EPSTI1: variants seen among roughly 807,000 people sequenced by gnomAD.
The protein encoded by EPSTI1 is epithelial stromal interaction 1, also known as epithelial-stromal interaction protein 1.
Under a neutral mutation model 49.9 loss-of-function variants are expected in EPSTI1, and 66 were observed. The ratio of observed to expected loss-of-function variants is 1.32; its 90% CI spans 1.08 to 1.62. The LOEUF (loss-of-function observed/expected upper bound fraction) is 1.62. EPSTI1 is among the 40% of genes most tolerant of loss of function. The pLI, the probability that EPSTI1 is intolerant of heterozygous loss-of-function variation, is 0.00. For missense variants in EPSTI1, 394 were observed against 365.5 expected, an observed-to-expected ratio of 1.08 and a Z score of -0.64; for synonymous variants, 137 against 130.7, an observed-to-expected ratio of 1.05 and a Z score of -0.33.
At chr13:42,990,831 A>G (rs892837837) in intron 1 of EPSTI1, among the ~76,000 whole-genome samples, 3 of 152,222 alleles carry the variant, frequency 2.0e-5, no homozygotes, top group Admixed American at 6.5e-5. Flanking sequence ...GAAGTCGATG[A>G]AAAAGGAGAG....
At chr13:42,956,226 G>A (rs2039267434) in intron 5 of EPSTI1, among the ~76,000 whole-genome samples, 1 of 152,224 alleles carries the variant, frequency 6.6e-6, no homozygotes, top group Non-Finnish European at 1.5e-5. Flanking sequence ...CGAGAGCCAA[G>A]AAGCGGAATA....
intron 6 of EPSTI1, among the ~76,000 whole-genome samples, chr13:42,939,376 C>G (rs2038677131): frequency 6.6e-6 from 1 of 152,180 alleles, no homozygotes; most frequent in Non-Finnish European, 1.5e-5. Context: ...TCTTGGTTTT[C>G]AACATGCCTC....
At chr13:42,969,320 A>G (rs2039708615) in intron 2 of EPSTI1, 143 bp from the exon 3 acceptor site, 2 of 788,884 alleles carry the variant, frequency 2.5e-6, no homozygotes, top group Admixed American at 5.1e-5. Flanking sequence ...TTAGAAACAC[A>G]ATATTCAGCC....
chr13:42,931,169 T>C (rs546628182), intron 6 of EPSTI1, among the ~76,000 whole-genome samples: 11 of 148,980 alleles, frequency 7.4e-5, no homozygotes, highest in Middle Eastern at 3.5e-3. Context: ...CAAAGGAGAG[T>C]AGAGCTACCT....
At chr13:42,907,074 A>T (rs2153414222) in intron 8 of EPSTI1, among the ~76,000 whole-genome samples, 1 of 152,300 alleles carries the variant, frequency 6.6e-6, no homozygotes, top group Non-Finnish European at 1.5e-5. Context: ...ATAACAGAAC[A>T]TCAAAACATA....
At chr13:42,958,896 C>G (rs1320035099) in intron 5 of EPSTI1, among the ~76,000 whole-genome samples, 1 of 152,136 alleles carries the variant, frequency 6.6e-6, no homozygotes, top group Non-Finnish European at 1.5e-5. Flanking sequence ...ATGTTTTTCT[C>G]TCCAGCAACT....
chr13:42,949,135 T>C lies in EPSTI1; in HGVS notation c.563+4813A>G, dbSNP rs143441960. Among the ~76,000 whole-genome samples, 1,405 of 152,254 alleles carry C rather than the reference T, an allele frequency of 9.2e-3. 8 individuals carry two copies. Among genetic ancestry groups the C allele is most frequent in the Non-Finnish European group, 0.014 (985 of 68,014 alleles). On this transcript the variant is annotated intron_variant, in intron 6 of 10. Coordinates refer to ENST00000313624, the MANE Select transcript of EPSTI1 (RefSeq NM_033255.5). The stretch of plus-strand genomic sequence containing the variant: ...TAGCAGACCCTGAAGGAAATAAAAA[T>C]TTTTTACCCCAAAATATATTTCTTT...
At chr13:42,894,419 T>C (rs1158258274) in intron 10 of EPSTI1, among the ~76,000 whole-genome samples, 1 of 152,236 alleles carries the variant, frequency 6.6e-6, no homozygotes, top group Non-Finnish European at 1.5e-5. Flanking sequence ...CAATTATATA[T>C]GTTCCAAAGC....
intron 5 of EPSTI1, among the ~76,000 whole-genome samples, chr13:42,958,433 A>T (rs1025252209): frequency 6.6e-6 from 1 of 152,158 alleles, no homozygotes; most frequent in Admixed American, 6.5e-5. Context: ...ATCCTGAGAA[A>T]GAAAAACAAA....
rs1594748841 is a variant in EPSTI1 at position 42,969,168 on chromosome 13, T to C, written c.257A>G (p.Gln86Arg). The C allele has an allele frequency of 1.2e-6, 2 of 1,614,042 alleles. No individual in the cohort carries two copies. Among genetic ancestry groups the C allele is most frequent in the South Asian group, 2.2e-5 (2 of 91,086 alleles). ...CCACTTCTCCAGGTTGGCCAGCTCC[T>C]GCTCCGCAACTAAGCCAGGCGAGAA... ...RRNEIQRIAE[Q>R]ELANLEKWKE... The change falls in exon 3 of 11, where the codon CAG becomes CGG. Residue 86 changes from glutamine (Q) to arginine (R), a missense_variant. Gln to Arg is a conservative substitution (Grantham distance 43). Transcript: ENST00000313624.
chr13:42,974,374 C>G (rs1446840878), intron 1 of EPSTI1, among the ~76,000 whole-genome samples: 1 of 147,396 alleles, frequency 6.8e-6, no homozygotes. Context: ...AAATGTTTTC[C>G]TGGCCGGGCG....
intron 1 of EPSTI1, among the ~76,000 whole-genome samples, chr13:42,979,986 T>G (rs2039958714): frequency 6.6e-6 from 1 of 152,212 alleles, no homozygotes; most frequent in Non-Finnish European, 1.5e-5. Flanking sequence ...TAGACTCCTA[T>G]GAGCTCAGAC....
chr13:42,987,748 T>G (rs995278255), intron 1 of EPSTI1, among the ~76,000 whole-genome samples: 3 of 152,210 alleles, frequency 2.0e-5, no homozygotes, highest in African/African-American at 7.2e-5. Flanking sequence ...AATTAGACAG[T>G]AAGCTTCATA....
chr13:42,948,428 T>TTG lies in EPSTI1; in HGVS notation c.563+5519_563+5520insCA, dbSNP rs1284455337. Among the ~76,000 whole-genome samples the TTG allele has an allele frequency of 5.6e-3, 809 of 144,606 alleles. 6 individuals carry two copies. The highest frequency in any genetic ancestry group is 0.014 in the Middle Eastern group (4 of 290). The allele number at this position is 144,606 out of a possible 152,430, so 94.9% of individuals were successfully genotyped here. ...AGGAACTCCAGAGTGGCTTGTTGTT[T>TTG]TTTTTTTTTTTTTGCTGTTTGTTTG... On this transcript the variant is annotated intron_variant, in intron 6 of 10. Transcript: ENST00000313624.
chr13:42,942,299 T>A (rs2153425816), intron 6 of EPSTI1, among the ~76,000 whole-genome samples: 1 of 152,320 alleles, frequency 6.6e-6, no homozygotes, highest in East Asian at 1.9e-4. Flanking sequence ...CCTGTATACA[T>A]TTTTTGTGAA....
chr13:42,947,422 C>T (rs554673481), intron 6 of EPSTI1, among the ~76,000 whole-genome samples: 16 of 152,272 alleles, frequency 1.1e-4, no homozygotes, highest in East Asian at 5.8e-4. Flanking sequence ...AGCATGGAGC[C>T]TTCTTCTCCT....
intron 10 of EPSTI1, among the ~76,000 whole-genome samples, chr13:42,891,052 T>C (rs1290153378): frequency 1.3e-5 from 2 of 152,246 alleles, no homozygotes; most frequent in African/African-American, 4.8e-5. Context: ...GTAGGTTTTT[T>C]GTTTTGTCTG....
At chr13:42,914,592 G>A (rs918518102) in intron 8 of EPSTI1, among the ~76,000 whole-genome samples, 2 of 152,154 alleles carry the variant, frequency 1.3e-5, no homozygotes, top group Non-Finnish European at 2.9e-5. Context: ...ATATAAACCA[G>A]ATCATAAGGA....
At chr13:42,902,447 T>C (rs934032586) in intron 8 of EPSTI1, among the ~76,000 whole-genome samples, 5 of 152,196 alleles carry the variant, frequency 3.3e-5, no homozygotes, top group African/African-American at 4.8e-5. Flanking sequence ...CCACTGACCA[T>C]CTAGTTCCAG....
Sources: gnomAD v4.1 joint callset for allele counts (sites outside exome capture counted in the v4.1 genomes callset) on GRCh38, gnomAD v4.1.1 for gene constraint, MANE v1.5 for transcripts, NCBI Gene and HGNC (gene_info 2026-07-23, HGNC 2026-07-21) for gene names.